GULP1: variants seen among roughly 807,000 people sequenced by gnomAD.
GULP1 encodes GULP PTB domain containing engulfment adaptor 1.
GULP1 carries 19 observed loss-of-function variants against 40.9 expected under a neutral mutation model. That is an observed-to-expected ratio of 0.46 (90% CI 0.32 to 0.68). GULP1 has a LOEUF of 0.68. Among genes scored for constraint, GULP1 ranks in the 30% least tolerant of loss-of-function variants. GULP1 has a pLI of 0.03. For synonymous variants in GULP1, 119 were observed against 117.6 expected (o/e 1.01, Z -0.08); for missense variants, 312 against 362.2 (o/e 0.86, Z 1.12).
intron 1 of GULP1, among the ~76,000 whole-genome samples, chr2:188,335,113 A>G (rs1356285181): frequency 2.0e-5 from 3 of 152,252 alleles, no homozygotes; most frequent in Non-Finnish European, 2.9e-5. Context: ...ACACATGTGT[A>G]TATTTTTGAT....
intron 2 of GULP1, among the ~76,000 whole-genome samples, chr2:188,387,490 C>T (rs572578256): frequency 3.3e-5 from 5 of 152,172 alleles, no homozygotes; most frequent in South Asian, 4.1e-4. Context: ...GTTTTGGTTT[C>T]TTATGTTTAA....
At chr2:188,368,154 TAAATA>T (rs1483748451) in intron 1 of GULP1, among the ~76,000 whole-genome samples, 1 of 152,222 alleles carries the variant, frequency 6.6e-6, no homozygotes, top group African/African-American at 2.4e-5. Flanking sequence ...ATGATTTAGG[TAAATA>T]AAATCTAATG....
chr2:188,486,587 T>C (rs1392807432), intron 4 of GULP1, among the ~76,000 whole-genome samples: 1 of 152,032 alleles, frequency 6.6e-6, no homozygotes, highest in East Asian at 1.9e-4. Context: ...TATAATTCTT[T>C]TTTAGAACAC....
intron 7 of GULP1, among the ~76,000 whole-genome samples, chr2:188,550,477 A>G (rs1309572533): frequency 3.5e-5 from 4 of 114,518 alleles, no homozygotes; most frequent in East Asian, 5.0e-4. Flanking sequence ...TTATTTGCTG[A>G]ATGCTGCTTT....
At chr2:188,443,854 T>G (rs1234645756) in intron 2 of GULP1, among the ~76,000 whole-genome samples, 1 of 152,154 alleles carries the variant, frequency 6.6e-6, no homozygotes, top group Non-Finnish European at 1.5e-5. Context: ...AATGAATTTC[T>G]AATTCTAATT....
chr2:188,427,128 A>T (rs541273637), intron 2 of GULP1, among the ~76,000 whole-genome samples: 3 of 152,294 alleles, frequency 2.0e-5, no homozygotes, highest in African/African-American at 7.2e-5. Flanking sequence ...CTAAGGAGCA[A>T]AGTGTTCAAA....
intron 1 of GULP1, among the ~76,000 whole-genome samples, chr2:188,349,201 G>A (rs1197225067): frequency 6.6e-6 from 1 of 152,134 alleles, no homozygotes; most frequent in Non-Finnish European, 1.5e-5. Flanking sequence ...TTTGAAATAT[G>A]CTGCTCTGAA....
At chr2:188,336,008 G>A (rs1194713387) in intron 1 of GULP1, among the ~76,000 whole-genome samples, 1 of 152,072 alleles carries the variant, frequency 6.6e-6, no homozygotes, top group Non-Finnish European at 1.5e-5. Context: ...AATAATAATT[G>A]TATACCTTCC....
intron 9 of GULP1, among the ~76,000 whole-genome samples, chr2:188,583,969 A>C (rs1212216195): frequency 1.3e-5 from 2 of 152,182 alleles, no homozygotes; most frequent in Non-Finnish European, 2.9e-5. Flanking sequence ...TATATATCCC[A>C]AAAATTCACT....
At chr2:188,336,937 T>TAGGGCAA (rs1189305098) in intron 1 of GULP1, among the ~76,000 whole-genome samples, 3 of 152,142 alleles carry the variant, frequency 2.0e-5, no homozygotes, top group African/African-American at 7.2e-5. Context: ...CATGATAATT[T>TAGGGCAA]TTTCATATCT....
chr2:188,389,730 AC>A lies in GULP1; in HGVS notation c.-45+5844del, dbSNP rs2050262252. Reference sequence around the variant, plus strand: ...TTGTCACCTGAGTAGTGTGCATTGTACCCAATATGTAGTTTTTTATTCCTCA... The same window carrying A: ...TTGTCACCTGAGTAGTGTGCATTGTACCAATATGTAGTTTTTTATTCCTCA... On this transcript the variant is annotated intron_variant, in intron 2 of 11. Transcript: ENST00000409830. Among the ~76,000 whole-genome samples, 4 of 152,140 alleles carry A rather than the reference AC, an allele frequency of 2.6e-5. No homozygotes were observed. In the South Asian group the frequency reaches 8.3e-4, roughly 32 times the overall value.
intron 5 of GULP1, 59 bp downstream of exon 5, chr2:188,522,886 A>G: frequency 9.7e-7 from 1 of 1,035,526 alleles, no homozygotes; most frequent in South Asian, 1.3e-5. Context: ...TTTTCAGCAG[A>G]TTGATGGAGA....
intron 2 of GULP1, among the ~76,000 whole-genome samples, chr2:188,399,714 A>AAAAAAAAAAAAAC (rs1553540229): frequency 2.3e-5 from 3 of 131,074 alleles, no homozygotes; most frequent in Non-Finnish European, 4.7e-5. Context: ...AAAAAAAAAA[A>AAAAAAAAAAAAAC]CATCAAACTG....
At chr2:188,320,606 A>G (rs987992127) in intron 1 of GULP1, among the ~76,000 whole-genome samples, 2 of 152,178 alleles carry the variant, frequency 1.3e-5, no homozygotes, top group Non-Finnish European at 2.9e-5. Context: ...ACATATAAAC[A>G]TATTTTCTGA....
intron 11 of GULP1, chr2:188,588,715 G>C (rs1417576628): frequency 1.3e-5 from 2 of 152,058 alleles, no homozygotes; most frequent in South Asian, 4.1e-4. Context: ...AGACAATGAA[G>C]ACACTAAAGT....
chr2:188,359,194 CATTTCATTATTTTTT>C (rs1283190178), intron 1 of GULP1, among the ~76,000 whole-genome samples: 4 of 151,944 alleles, frequency 2.6e-5, no homozygotes, highest in African/African-American at 9.7e-5. Context: ...ATTCTGTTCT[CATTTCATTATTTTTT>C]AACATTAATT....
intron 7 of GULP1, among the ~76,000 whole-genome samples, chr2:188,548,185 CTG>C (rs751304532): frequency 5.9e-5 from 9 of 151,962 alleles, no homozygotes; most frequent in East Asian, 3.9e-4. Context: ...AGAAATAAAA[CTG>C]TGCTTATATG....
Position 188,591,288 on chromosome 2 carries a change from A to G in GULP1, c.844-2652A>G, listed in dbSNP as rs547113990. ...AACTAATAATCAATCAATACAACTG[A>G]AAGTGTGATAAAACAAGCACTGTAA... On this transcript the variant is annotated intron_variant, in intron 11 of 11. Transcript: ENST00000409830. 2.0e-5 allele frequency: 3 copies of G among 152,198 alleles called. No individual in the cohort carries two copies. The South Asian group carries it at 6.2e-4, about 32-fold the overall frequency. 9.4% of individuals were successfully genotyped at this position (152,198 alleles called of 1,614,324 possible). A position where few individuals can be genotyped will look rare whatever the true frequency, so the allele number is the denominator to read the frequency against.
intron 4 of GULP1, among the ~76,000 whole-genome samples, chr2:188,509,256 G>C (rs139377687): frequency 6.6e-6 from 1 of 152,034 alleles, no homozygotes; most frequent in Non-Finnish European, 1.5e-5. Flanking sequence ...ATATGTTCCA[G>C]CTCAGAGTGT....
Sources: allele counts gnomAD v4.1 joint callset (sites outside exome capture counted in the v4.1 genomes callset), GRCh38; gene constraint gnomAD v4.1.1; transcripts MANE v1.5; gene names NCBI Gene and HGNC (gene_info 2026-07-23, HGNC 2026-07-21).